Variants in AJAP1 observed in about 807,000 individuals in gnomAD.
The protein encoded by AJAP1 is adherens junctions associated protein 1, also known as adherens junction-associated protein 1.
Under a neutral mutation model 35.0 loss-of-function variants are expected in AJAP1, and 5 were observed. The observed-to-expected ratio is 0.14, with a 90% CI of 0.07 to 0.30. AJAP1 has a LOEUF of 0.30. AJAP1 is among the 10% of genes least tolerant of loss of function. The pLI, the probability that AJAP1 is intolerant of heterozygous loss-of-function variation, is 1.00. For missense variants in AJAP1, 586 were observed against 571.0 expected (o/e 1.03, Z -0.27); for synonymous variants, 284 against 249.3 (o/e 1.14, Z -1.31).
At chr1:4,731,091 T>G (rs984190230) in intron 2 of AJAP1, among the ~76,000 whole-genome samples, 2 of 152,192 alleles carry the variant, frequency 1.3e-5, no homozygotes, top group African/African-American at 4.8e-5. Flanking sequence ...TGTGTTTTGT[T>G]CTGTTTTGAG....
At chr1:4,709,368 G>C (rs1470739529) in intron 1 of AJAP1, among the ~76,000 whole-genome samples, 1 of 151,880 alleles carries the variant, frequency 6.6e-6, no homozygotes, top group African/African-American at 2.4e-5. Context: ...GTCTGGTGCA[G>C]TCTGGTAAGG....
At position 4,759,499 on chromosome 1, in the gene AJAP1, G is replaced by A. The variant is rs555878034; in HGVS notation, c.830-10354G>A. 2.1e-3 allele frequency among the ~76,000 whole-genome samples: 325 copies of A among 152,122 alleles called. 4 individuals carry two copies. Among genetic ancestry groups the A allele is most frequent in the Non-Finnish European group, 3.3e-3 (225 of 67,984 alleles). Reference sequence around the variant, plus strand: ...GACTGCATTGGGTGTGCCCAGCCCCGTGTCTTCTGCTCCAGGGAGCTGGCT... The same window carrying A: ...GACTGCATTGGGTGTGCCCAGCCCCATGTCTTCTGCTCCAGGGAGCTGGCT... On this transcript the variant is annotated intron_variant, in intron 2 of 5. Transcript: ENST00000378191.
Position 4,690,581 on chromosome 1 carries a change from C to A in AJAP1, c.30-21319C>A, listed in dbSNP as rs149804438. On this transcript the variant is annotated intron_variant, in intron 1 of 5. Coordinates refer to ENST00000378191, the MANE Select transcript of AJAP1 (RefSeq NM_018836.4). ...CCCTGTCTGGGAGAAACACGGTGTC[C>A]CCCACTTTTATTGGGTGTCACTGTG... is the stretch of plus-strand genomic sequence containing the variant. Among the ~76,000 whole-genome samples, 400 of 152,332 alleles carry A rather than the reference C, an allele frequency of 2.6e-3. 5 individuals carry two copies. Among genetic ancestry groups the A allele is most frequent in the African/African-American group, 9.0e-3 (376 of 41,578 alleles).
rs1642147813 is a variant in AJAP1 at position 4,785,550 on chromosome 1, A to C, written c.*3065A>C. 6.6e-6 allele frequency: 1 copy of C among 152,144 alleles called. No homozygotes were observed. The highest frequency in any genetic ancestry group is 2.4e-5 in the African/African-American group (1 of 41,414). 9.4% of individuals were successfully genotyped at this position (152,144 alleles called of 1,614,324 possible). ...CACGGTGAAGTCTGCACCAGAGCAC[A>C]GACTTGTCCTACTTCGGGCCATATG... On this transcript the variant is annotated 3_prime_UTR_variant, in exon 6 of 6. Coordinates refer to ENST00000378191, the MANE Select transcript of AJAP1 (RefSeq NM_018836.4).
intron 2 of AJAP1, among the ~76,000 whole-genome samples, chr1:4,764,376 C>G (rs1641636449): frequency 6.6e-6 from 1 of 152,200 alleles, no homozygotes; most frequent in Admixed American, 6.5e-5. Context: ...AGGTGAGCAA[C>G]TGACTCAGAC....
intron 1 of AJAP1, among the ~76,000 whole-genome samples, chr1:4,707,962 C>T (rs2086718): frequency 0.52 from 74,715 of 142,338 alleles, 19,997 homozygotes; most frequent in South Asian, 0.69. Flanking sequence ...GTGGGCGGTA[C>T]GTTTTTTTTT....
intron 1 of AJAP1, among the ~76,000 whole-genome samples, chr1:4,674,450 T>G (rs1639317490): frequency 6.6e-6 from 1 of 152,260 alleles, no homozygotes; most frequent in Admixed American, 6.5e-5. Flanking sequence ...TGAGTGGTTG[T>G]GACAGAAAAC....
chr1:4,709,991 C>T lies in AJAP1; in HGVS notation c.30-1909C>T, dbSNP rs112313989. On this transcript the variant is annotated intron_variant, in intron 1 of 5. Transcript: ENST00000378191. ...AAGGGTCTCAGTACTGAACAGAGGG[C>T]GTGCCCCCAGGGATGCGTTCACACA... is the stretch of plus-strand genomic sequence containing the variant. Among the ~76,000 whole-genome samples, 6 of 152,218 alleles carry T rather than the reference C, an allele frequency of 3.9e-5. 1 individual carries two copies. The highest frequency in any genetic ancestry group is 9.6e-5 in the African/African-American group (4 of 41,520).
In AJAP1 at chr1:4,785,157, C is replaced by T. The variant is rs187360242; in HGVS notation, c.*2672C>T. The T allele has an allele frequency of 1.6e-4, 25 of 152,452 alleles. No individual in the cohort carries two copies. The highest frequency in any genetic ancestry group is 5.1e-4 in the African/African-American group (21 of 41,572). The allele number at this position is 152,452 out of a possible 1,614,324, so 9.4% of individuals were successfully genotyped here. A position where few individuals can be genotyped will look rare whatever the true frequency, so the allele number is the denominator to read the frequency against. On this transcript the variant is annotated 3_prime_UTR_variant, in exon 6 of 6. Transcript: ENST00000378191. ...GACCATGTGCGGCACCCTGGATGCC[C>T]TGAACTCTTTCCTGGGTCCATAAGA... is the stretch of plus-strand genomic sequence containing the variant.
At chr1:4,741,256 A>C (rs1448604337) in intron 2 of AJAP1, among the ~76,000 whole-genome samples, 1 of 152,154 alleles carries the variant, frequency 6.6e-6, no homozygotes, top group African/African-American at 2.4e-5. Flanking sequence ...AGACCAGGTG[A>C]CCTAACCCAG....
At chr1:4,750,252 G>A (rs1641292541) in intron 2 of AJAP1, among the ~76,000 whole-genome samples, 7 of 152,204 alleles carry the variant, frequency 4.6e-5, no homozygotes, top group Admixed American at 3.9e-4. Flanking sequence ...GTGTGCATGT[G>A]CAGGACAGTG....
Position 4,787,724 on chromosome 1 carries a change from G to A in AJAP1, c.*5239G>A, listed in dbSNP as rs888833402. 1 of 456,046 alleles carries A rather than the reference G, an allele frequency of 2.2e-6. No homozygotes were observed. The highest frequency in any genetic ancestry group is 2.0e-5 in the African/African-American group (1 of 50,076). 28.2% of individuals were successfully genotyped at this position (456,046 alleles called of 1,614,324 possible). A position where few individuals can be genotyped will look rare whatever the true frequency, so the allele number is the denominator to read the frequency against. Reference sequence around the variant, plus strand: ...TCTGTCAGGTTGCCAGGCCAAGCAGGTCTCAGGTCAGCCAGGTCTCAAGGA... The same window carrying A: ...TCTGTCAGGTTGCCAGGCCAAGCAGATCTCAGGTCAGCCAGGTCTCAAGGA... On this transcript the variant is annotated 3_prime_UTR_variant, in exon 6 of 6. Coordinates refer to ENST00000378191, the MANE Select transcript of AJAP1 (RefSeq NM_018836.4).
At chr1:4,667,691 A>T (rs747392498) in intron 1 of AJAP1, among the ~76,000 whole-genome samples, 1 of 152,150 alleles carries the variant, frequency 6.6e-6, no homozygotes, top group African/African-American at 2.4e-5. Context: ...TTCCTAACAG[A>T]TGCTGGTACT....
At chr1:4,780,633 C>CTTTCTT (rs1553162355) in intron 5 of AJAP1, among the ~76,000 whole-genome samples, 1 of 131,456 alleles carries the variant, frequency 7.6e-6, no homozygotes, top group Non-Finnish European at 1.6e-5. Context: ...TTCTTTCTTT[C>CTTTCTT]TTTTTTTTTT....
chr1:4,662,187 C>T (rs1211193447), intron 1 of AJAP1, among the ~76,000 whole-genome samples: 1 of 152,084 alleles, frequency 6.6e-6, no homozygotes, highest in Non-Finnish European at 1.5e-5. Flanking sequence ...TTGCCATGGT[C>T]CAGTTTCAGC....
At chr1:4,661,325 G>C (rs750259017) in intron 1 of AJAP1, among the ~76,000 whole-genome samples, 2 of 152,216 alleles carry the variant, frequency 1.3e-5, no homozygotes, top group Non-Finnish European at 2.9e-5. Flanking sequence ...TTTGTGCTAA[G>C]TGATCTGATC....
chr1:4,781,588 C>T (rs1274228325), intron 5 of AJAP1, among the ~76,000 whole-genome samples: 2 of 152,248 alleles, frequency 1.3e-5, no homozygotes, highest in African/African-American at 4.8e-5. Context: ...TGATATGTGT[C>T]ATCTGCACAG....
Position 4,711,942 on chromosome 1 carries a change from T to C in AJAP1, c.72T>C (p.His24=). ...GGCCGGGCCGCCCCCTCGGAAGCCA[T>C]GCCTGGATACTGATAGCCATGTTTC... ...IRWPGRPLGS[H]AWILIAMFQL... The change falls in exon 2 of 6, where the codon CAT becomes CAC. Residue 24 remains histidine, a synonymous_variant. Transcript: ENST00000378191. 1.3e-6 allele frequency: 2 copies of C among 1,554,572 alleles called. No individual in the cohort carries two copies. The highest frequency in any genetic ancestry group is 1.7e-6 in the Non-Finnish European group (2 of 1,157,054).
At chr1:4,725,137 G>A (rs1640621618) in intron 2 of AJAP1, among the ~76,000 whole-genome samples, 1 of 152,220 alleles carries the variant, frequency 6.6e-6, no homozygotes, top group Admixed American at 6.5e-5. Flanking sequence ...GCTGGTCCCT[G>A]GGTGTTGGGT....
Sources: gnomAD v4.1 joint callset for allele counts (sites outside exome capture counted in the v4.1 genomes callset) on GRCh38, gnomAD v4.1.1 for gene constraint, MANE v1.5 for transcripts, NCBI Gene and HGNC (gene_info 2026-07-23, HGNC 2026-07-21) for gene names.